PHKB: variants seen among roughly 807,000 people sequenced by gnomAD.
PHKB encodes phosphorylase b kinase regulatory subunit beta.
In PHKB, 122 loss-of-function variants were observed where a neutral mutation model predicts 152.1. The ratio of observed to expected loss-of-function variants is 0.80; its 90% CI spans 0.69 to 0.93. The LOEUF (loss-of-function observed/expected upper bound fraction) is 0.93, where lower values mean the gene tolerates loss of function less well. Among genes scored for constraint, PHKB ranks in the 40% least tolerant of loss-of-function variants. The pLI, the probability that PHKB is intolerant of heterozygous loss-of-function variation, is 0.00. For synonymous variants in PHKB, 436 were observed against 464.9 expected, an observed-to-expected ratio of 0.94 and a Z score of 0.80; for missense variants, 1,304 against 1,328.4, an observed-to-expected ratio of 0.98 and a Z score of 0.29.
intron 14 of PHKB, among the ~76,000 whole-genome samples, chr16:47,625,482 G>A (rs950519377): frequency 1.3e-5 from 2 of 152,052 alleles, no homozygotes; most frequent in South Asian, 4.1e-4. Flanking sequence ...TTATGCTCCA[G>A]ACACACTGGT....
At chr16:47,547,856 C>G (rs1597075361) in intron 7 of PHKB, 1 of 342,528 alleles carries the variant, frequency 2.9e-6, no homozygotes, top group East Asian at 7.6e-5. Context: ...TTTCTTTTTC[C>G]TCTTTGAAAT....
Position 47,503,161 on chromosome 16 carries a change from G to A in PHKB, c.405+71G>A, listed in dbSNP as rs1326467018. ...GATTAATTTAACTAGTATCGCAATGGTTTCTTCTGAAGAAGAATGTACTTT... is the reference window on the plus strand; with the variant it reads ...GATTAATTTAACTAGTATCGCAATGATTTCTTCTGAAGAAGAATGTACTTT... On this transcript the variant is annotated intron_variant, in intron 4 of 30. Coordinates refer to ENST00000323584, the MANE Select transcript of PHKB (RefSeq NM_000293.3). 9 of 1,033,236 alleles carry A rather than the reference G, an allele frequency of 8.7e-6. No homozygotes were observed. The Admixed American group carries it at 1.1e-4, about 13-fold the overall frequency. 64.0% of individuals were successfully genotyped at this position (1,033,236 alleles called of 1,614,324 possible). A position where few individuals can be genotyped will look rare whatever the true frequency, so the allele number is the denominator to read the frequency against.
At chr16:47,512,897 T>C (rs1390496087) in intron 5 of PHKB, among the ~76,000 whole-genome samples, 3 of 152,194 alleles carry the variant, frequency 2.0e-5, no homozygotes, top group South Asian at 4.1e-4. Flanking sequence ...TTTCTTACTT[T>C]AGTATGTCTT....
chr16:47,488,754 T>G (rs918685082), intron 1 of PHKB, among the ~76,000 whole-genome samples: 2 of 152,168 alleles, frequency 1.3e-5, no homozygotes, highest in African/African-American at 2.4e-5. Flanking sequence ...CTGGTGGTTG[T>G]AGGTGTGCAG....
intron 1 of PHKB, among the ~76,000 whole-genome samples, chr16:47,477,493 A>T (rs989991885): frequency 6.6e-6 from 1 of 151,788 alleles, no homozygotes; most frequent in African/African-American, 2.4e-5. Context: ...AATTCAGTTT[A>T]TTTATTTTCC....
rs1041364510 is a variant in PHKB, at chr16:47,528,721, C to T, written c.594+13120C>T. Among the ~76,000 whole-genome samples the T allele has an allele frequency of 6.8e-5, 9 of 133,312 alleles. No homozygotes were observed. The South Asian group carries it at 9.4e-4, about 14-fold the overall frequency. The allele number at this position is 133,312 out of a possible 152,430, so 87.5% of individuals were successfully genotyped here. A position where few individuals can be genotyped will look rare whatever the true frequency, so the allele number is the denominator to read the frequency against. On this transcript the variant is annotated intron_variant, in intron 6 of 30. Transcript: ENST00000323584. ...CTTTTTTTTTTTTTTTTTATTTTGA[C>T]GGAGTCTCACTGTCTCCCAGGCTGG...
intron 12 of PHKB, among the ~76,000 whole-genome samples, 166 bp from the exon 13 acceptor site, chr16:47,596,207 G>A (rs1455574377): frequency 2.0e-5 from 3 of 151,918 alleles, no homozygotes; most frequent in Admixed American, 6.6e-5. Flanking sequence ...CTCTTCCTTC[G>A]CCTTCCACCA....
intron 13 of PHKB, among the ~76,000 whole-genome samples, chr16:47,608,392 T>C (rs1278760376): frequency 6.6e-6 from 1 of 152,224 alleles, no homozygotes; most frequent in East Asian, 1.9e-4. Context: ...CTTTTGCATT[T>C]GAATATCCAA....
chr16:47,549,973 T>A (rs1971242361), intron 7 of PHKB, among the ~76,000 whole-genome samples: 1 of 152,222 alleles, frequency 6.6e-6, no homozygotes, highest in African/African-American at 2.4e-5. Flanking sequence ...GGATGAGAGA[T>A]GAAGTTTGTC....
At chr16:47,616,311 A>C (rs755947219) in intron 14 of PHKB, among the ~76,000 whole-genome samples, 2 of 151,784 alleles carry the variant, frequency 1.3e-5, no homozygotes, top group Non-Finnish European at 2.9e-5. Context: ...TTTAGCTCGT[A>C]TACTTAGACC....
At chr16:47,631,006 C>T (rs767898993) in intron 14 of PHKB, among the ~76,000 whole-genome samples, 7 of 152,044 alleles carry the variant, frequency 4.6e-5, no homozygotes, top group East Asian at 3.9e-4. Flanking sequence ...TTTAGGCCTT[C>T]GGACTCAGAC....
chr16:47,510,259 GCTATTGGTGATTGA>G (rs1487727944), intron 4 of PHKB, among the ~76,000 whole-genome samples: 1 of 152,080 alleles, frequency 6.6e-6, no homozygotes, highest in Non-Finnish European at 1.5e-5. Context: ...TAAATCACTG[GCTATTGGTGATTGA>G]CTCAATCACC....
At chr16:47,618,075 C>G (rs545559383) in intron 14 of PHKB, among the ~76,000 whole-genome samples, 1 of 152,188 alleles carries the variant, frequency 6.6e-6, no homozygotes, top group Non-Finnish European at 1.5e-5. Flanking sequence ...TCCAGTGCCC[C>G]TCTGGGGCCC....
intron 14 of PHKB, among the ~76,000 whole-genome samples, chr16:47,611,490 A>G (rs1972427071): frequency 1.3e-5 from 2 of 152,210 alleles, no homozygotes; most frequent in South Asian, 4.1e-4. Flanking sequence ...GACTGTTAAA[A>G]TGAGAATGTT....
chr16:47,665,505 G>T, intron 25 of PHKB: 1 of 254,276 alleles, frequency 3.9e-6, no homozygotes, highest in South Asian at 4.8e-5. Context: ...CCAGAGATTT[G>T]GTTATCTAGG....
intron 1 of PHKB, among the ~76,000 whole-genome samples, chr16:47,490,856 T>C (rs1440508488): frequency 2.0e-5 from 3 of 152,188 alleles, no homozygotes; most frequent in Admixed American, 6.5e-5. Context: ...CCCCAGAACC[T>C]AGTCAACATG....
At chr16:47,502,679 G>T (rs1432020770) in intron 3 of PHKB, among the ~76,000 whole-genome samples, 3 of 152,084 alleles carry the variant, frequency 2.0e-5, no homozygotes, top group Non-Finnish European at 4.4e-5. Context: ...ATCTGTTGGT[G>T]GATTTTTTTC....
chr16:47,566,555 T>A, intron 7 of PHKB: 1 of 1,579,730 alleles, frequency 6.3e-7, no homozygotes, highest in Non-Finnish European at 8.6e-7. Flanking sequence ...CTCTAAAGAA[T>A]TCTTTAATGT....
chr16:47,624,367 A>G (rs771711604), intron 14 of PHKB, among the ~76,000 whole-genome samples: 1 of 152,248 alleles, frequency 6.6e-6, no homozygotes, highest in Non-Finnish European at 1.5e-5. Flanking sequence ...AAGAAGAATG[A>G]ATAACCCTAT....
Sources: allele counts gnomAD v4.1 joint callset (sites outside exome capture counted in the v4.1 genomes callset), GRCh38; gene constraint gnomAD v4.1.1; transcripts MANE v1.5; gene names NCBI Gene and HGNC (gene_info 2026-07-23, HGNC 2026-07-21).